SLC38A11: variants seen among roughly 807,000 people sequenced by gnomAD.
SLC38A11 encodes putative sodium-coupled neutral amino acid transporter 11.
Under a neutral mutation model 49.4 loss-of-function variants are expected in SLC38A11, and 51 were observed. That is an observed-to-expected ratio of 1.03 (90% CI 0.83 to 1.30). The LOEUF (loss-of-function observed/expected upper bound fraction) is 1.30, where lower values mean the gene tolerates loss of function less well. Ranked by LOEUF, SLC38A11 falls within the 50% of genes most tolerant of loss-of-function variation. The probability of loss-of-function intolerance (pLI) is 0.00; values close to 1 mark genes in which losing one functional copy is unlikely to be tolerated. For synonymous variants in SLC38A11, 203 were observed against 192.9 expected (o/e 1.05, Z -0.43); for missense variants, 574 against 556.2 (o/e 1.03, Z -0.32).
chr2:164,940,264 T>G (rs1331269922), intron 5 of SLC38A11, among the ~76,000 whole-genome samples: 1 of 148,096 alleles, frequency 6.8e-6, no homozygotes, highest in Non-Finnish European at 1.5e-5. Context: ...ATATCACATA[T>G]ATAATTATAT....
chr2:164,901,921 CTT>C (rs1684677195), intron 11 of SLC38A11, among the ~76,000 whole-genome samples: 2 of 151,928 alleles, frequency 1.3e-5, no homozygotes, highest in South Asian at 4.2e-4. Context: ...ATGTTGAGGA[CTT>C]TTCTCTCTCT....
intron 7 of SLC38A11, among the ~76,000 whole-genome samples, chr2:164,923,208 A>T (rs1331682648): frequency 6.6e-6 from 1 of 152,182 alleles, no homozygotes; most frequent in East Asian, 1.9e-4. Flanking sequence ...CACAACAAAA[A>T]CAAAGACTGA....
intron 7 of SLC38A11, among the ~76,000 whole-genome samples, chr2:164,922,642 T>C (rs982175293): frequency 6.6e-6 from 1 of 152,160 alleles, no homozygotes; most frequent in South Asian, 2.1e-4. Context: ...TCAATATCAT[T>C]AAAAGAACTA....
chr2:164,941,811 C>T (rs141556683), intron 5 of SLC38A11, among the ~76,000 whole-genome samples: 2,556 of 151,976 alleles, frequency 0.017, 19 homozygotes, highest in Middle Eastern at 0.037. Flanking sequence ...TATATATTTA[C>T]GTTTTGATAT....
Position 164,894,587 on chromosome 2 carries a change from G to A in SLC38A11, c.*3850C>T, listed in dbSNP as rs1056112510. ...ATATATTTTCTTCATTCTCACAATG[G>A]CAGCCATGAAACTCAGGTAACCTTC... On this transcript the variant is annotated 3_prime_UTR_variant, in exon 12 of 12. Coordinates refer to ENST00000685975, the MANE Select transcript of SLC38A11 (RefSeq NM_001351537.2). Among the ~76,000 whole-genome samples, 15 of 151,986 alleles carry A rather than the reference G, an allele frequency of 9.9e-5. No individual in the cohort carries two copies. The highest frequency in any genetic ancestry group is 3.6e-4 in the African/African-American group (15 of 41,378).
At chr2:164,950,403 C>T (rs2105519167) in intron 3 of SLC38A11, among the ~76,000 whole-genome samples, 1 of 152,242 alleles carries the variant, frequency 6.6e-6, no homozygotes, top group African/African-American at 2.4e-5. Flanking sequence ...ACAATGATCA[C>T]TTAAAGGTAA....
rs1331467131 is a variant in SLC38A11, at chr2:164,911,677, C to T, written c.922G>A (p.Val308Ile). The T allele has an allele frequency of 2.7e-5, 44 of 1,606,846 alleles. No individual in the cohort carries two copies. The highest frequency in any genetic ancestry group is 3.7e-5 in the Non-Finnish European group (44 of 1,176,510). ...CATTCCATAGGGTATGTCAAAATGA[C>T]AGTGACACCATAACAAAATCTTCCA... ...TFGRFCYGVT[V>I]ILTYPMECFV... Residue 308 changes from valine (V) to isoleucine (I), a missense_variant, in exon 10 of 12, where the codon GTC (valine) becomes ATC (isoleucine). Physicochemically the swap from Val to Ile is conservative, Grantham distance 29. Coordinates refer to ENST00000685975, the MANE Select transcript of SLC38A11 (RefSeq NM_001351537.2).
At chr2:164,925,265 T>C (rs1686491387) in intron 7 of SLC38A11, among the ~76,000 whole-genome samples, 1 of 152,136 alleles carries the variant, frequency 6.6e-6, no homozygotes, top group Non-Finnish European at 1.5e-5. Flanking sequence ...AGAGTATAGG[T>C]GGGAGGGGGC....
intron 5 of SLC38A11, among the ~76,000 whole-genome samples, chr2:164,942,278 A>G (rs868733751): frequency 3.7e-4 from 56 of 151,760 alleles, no homozygotes; most frequent in Admixed American, 1.2e-3. Flanking sequence ...GCAAAACCCC[A>G]TCTCTACAAA....
chr2:164,920,667 C>A (rs561627560), intron 7 of SLC38A11, among the ~76,000 whole-genome samples: 13 of 152,098 alleles, frequency 8.5e-5, no homozygotes, highest in African/African-American at 2.9e-4. Flanking sequence ...CTTTACAAAA[C>A]CCCTGTGTGT....
chr2:164,916,979 C>T (rs1177278124), intron 7 of SLC38A11, among the ~76,000 whole-genome samples: 1 of 152,108 alleles, frequency 6.6e-6, no homozygotes, highest in African/African-American at 2.4e-5. Context: ...CATTAAGTGA[C>T]TGTGTAGATT....
At chr2:164,936,294 A>G (rs1445678528) in intron 7 of SLC38A11, among the ~76,000 whole-genome samples, 1 of 152,074 alleles carries the variant, frequency 6.6e-6, no homozygotes, top group Non-Finnish European at 1.5e-5. Context: ...AATTAGCTTG[A>G]GGCCTTTTTT....
intron 11 of SLC38A11, among the ~76,000 whole-genome samples, chr2:164,906,798 C>T (rs1385021611): frequency 6.6e-6 from 1 of 152,172 alleles, no homozygotes; most frequent in Admixed American, 6.5e-5. Context: ...AAACTGCTTA[C>T]TCCCCACTTT....
intron 11 of SLC38A11, among the ~76,000 whole-genome samples, chr2:164,906,760 G>C (rs116197952): frequency 7.6e-4 from 116 of 152,228 alleles, no homozygotes; most frequent in African/African-American, 2.4e-3. Context: ...TGGTAGAATA[G>C]ACAATTACCA....
chr2:164,898,364 A>G lies in SLC38A11; in HGVS notation c.*73T>C, dbSNP rs1009538159. On this transcript the variant is annotated 3_prime_UTR_variant, in exon 12 of 12. Coordinates refer to ENST00000685975, the MANE Select transcript of SLC38A11 (RefSeq NM_001351537.2). ...AATAATAATTTTATATAACATAAAT[A>G]CAGACTAAAGCAAGCGTAAATGTTA... is the stretch of plus-strand genomic sequence containing the variant. 2.4e-5 allele frequency: 27 copies of G among 1,111,706 alleles called. No individual in the cohort carries two copies. Among genetic ancestry groups the G allele is most frequent in the Middle Eastern group, 3.0e-4 (1 of 3,342 alleles). 68.9% of individuals were successfully genotyped at this position (1,111,706 alleles called of 1,614,324 possible). A position where few individuals can be genotyped will look rare whatever the true frequency, so the allele number is the denominator to read the frequency against.
Position 164,935,754 on chromosome 2 carries a change from T to A in SLC38A11, c.617+1596A>T, listed in dbSNP as rs138413302. 1.2e-4 allele frequency among the ~76,000 whole-genome samples: 19 copies of A among 152,106 alleles called. No homozygotes were observed. In the East Asian group the frequency reaches 3.3e-3, roughly 26 times the overall value. ...ATTGAATTGCGTCCCTCCGAATTTA[T>A]ATGTTGAAGCCTTAACTCTCACTGT... On this transcript the variant is annotated intron_variant, in intron 7 of 11. Coordinates refer to ENST00000685975, the MANE Select transcript of SLC38A11 (RefSeq NM_001351537.2).
At chr2:164,899,870 G>A (rs1279891973) in intron 11 of SLC38A11, among the ~76,000 whole-genome samples, 2 of 151,920 alleles carry the variant, frequency 1.3e-5, no homozygotes, top group Non-Finnish European at 2.9e-5. Context: ...CCCTCATATT[G>A]TACATTAAAT....
At chr2:164,947,337 G>A (rs1474220807) in intron 3 of SLC38A11, among the ~76,000 whole-genome samples, 3 of 151,724 alleles carry the variant, frequency 2.0e-5, no homozygotes, top group African/African-American at 7.3e-5. Flanking sequence ...TTGCCACGTT[G>A]GCCAAGATGG....
At chr2:164,944,459 C>T in intron 5 of SLC38A11, 110 bp downstream of exon 5, 3 of 417,912 alleles carry the variant, frequency 7.2e-6, no homozygotes, top group Non-Finnish European at 1.2e-5. Flanking sequence ...CTGAAGTAAT[C>T]CAATAATTTC....
Sources: allele counts gnomAD v4.1 joint callset (sites outside exome capture counted in the v4.1 genomes callset), GRCh38; gene constraint gnomAD v4.1.1; transcripts MANE v1.5; gene names NCBI Gene and HGNC (gene_info 2026-07-23, HGNC 2026-07-21).